Variants in BTBD9 observed in about 807,000 individuals in gnomAD.
The protein encoded by BTBD9 is BTB domain containing 9, also known as BTB/POZ domain-containing protein 9.
BTBD9 carries 49 observed loss-of-function variants against 64.3 expected under a neutral mutation model. That is an observed-to-expected ratio of 0.76 (90% CI 0.61 to 0.97). BTBD9 has a LOEUF of 0.97. Among genes scored for constraint, BTBD9 ranks in the 50% least tolerant of loss-of-function variants. BTBD9 has a pLI of 0.00. For synonymous variants in BTBD9, 260 were observed against 274.7 expected, an observed-to-expected ratio of 0.95 and a Z score of 0.53; for missense variants, 598 against 762.1, an observed-to-expected ratio of 0.78 and a Z score of 2.53.
intron 1 of BTBD9, among the ~76,000 whole-genome samples, chr6:38,602,900 C>T (rs34763047): frequency 1.3e-5 from 2 of 151,970 alleles, no homozygotes; most frequent in South Asian, 2.1e-4. Flanking sequence ...AATCAGATAC[C>T]TGGGTAGCAT....
chr6:38,406,514 T>C (rs77545579), intron 6 of BTBD9, among the ~76,000 whole-genome samples: 1,981 of 152,094 alleles, frequency 0.013, 38 homozygotes, highest in African/African-American at 0.043. Context: ...CAGTAAGGAG[T>C]TGGCATTCCC....
At chr6:38,190,764 G>T (rs1365184791) in intron 10 of BTBD9, among the ~76,000 whole-genome samples, 1 of 152,062 alleles carries the variant, frequency 6.6e-6, no homozygotes, top group African/African-American at 2.4e-5. Context: ...TCTTCATCTA[G>T]AATAGCTTTG....
intron 6 of BTBD9, among the ~76,000 whole-genome samples, chr6:38,446,928 C>T (rs1344521249): frequency 6.6e-6 from 1 of 152,114 alleles, no homozygotes; most frequent in Non-Finnish European, 1.5e-5. Flanking sequence ...TAAACCAGGG[C>T]AGGCAAAATT....
At chr6:38,525,009 C>T (rs572527184) in intron 6 of BTBD9, among the ~76,000 whole-genome samples, 19 of 152,268 alleles carry the variant, frequency 1.2e-4, no homozygotes, top group African/African-American at 4.1e-4. Context: ...TTATTTAAGA[C>T]TGACATAGGC....
chr6:38,575,797 A>G (rs891529355), intron 6 of BTBD9, among the ~76,000 whole-genome samples: 15 of 152,104 alleles, frequency 9.9e-5, no homozygotes, highest in Admixed American at 2.6e-4. Context: ...TTTTTTTTCA[A>G]CCAGAATTGG....
chr6:38,342,871 A>G (rs922844067), intron 7 of BTBD9, among the ~76,000 whole-genome samples: 1 of 152,212 alleles, frequency 6.6e-6, no homozygotes, highest in Non-Finnish European at 1.5e-5. Flanking sequence ...CTGTAAGGTA[A>G]GCAGAGCTGC....
intron 6 of BTBD9, among the ~76,000 whole-genome samples, chr6:38,540,057 T>C (rs747807418): frequency 2.0e-5 from 3 of 152,188 alleles, no homozygotes; most frequent in Non-Finnish European, 2.9e-5. Context: ...GAATGGGACA[T>C]GACAATCATA....
At chr6:38,639,476 G>A (rs940802754) in intron 1 of BTBD9, among the ~76,000 whole-genome samples, 3 of 152,144 alleles carry the variant, frequency 2.0e-5, no homozygotes, top group Non-Finnish European at 2.9e-5. Flanking sequence ...CGTCGTCTCA[G>A]ACAGGATACG....
At chr6:38,391,160 T>C (rs1250395351) in intron 6 of BTBD9, among the ~76,000 whole-genome samples, 1 of 152,198 alleles carries the variant, frequency 6.6e-6, no homozygotes, top group Non-Finnish European at 1.5e-5. Flanking sequence ...GGAACAGAAT[T>C]TGGGTGAGGA....
chr6:38,601,867 T>C lies in BTBD9; in HGVS notation c.-27-3746A>G, dbSNP rs566689257. On this transcript the variant is annotated intron_variant, in intron 1 of 10. Coordinates refer to ENST00000481247, the MANE Select transcript of BTBD9 (RefSeq NM_001099272.2). ...CTAAAGTAACCACATAAAATAATTA[T>C]ATGAAAATATCTAGCATTCTTCCAT... is the stretch of plus-strand genomic sequence containing the variant. 2.4e-4 allele frequency among the ~76,000 whole-genome samples: 36 copies of C among 152,278 alleles called. No homozygotes were observed. The South Asian group carries it at 6.6e-3, about 28-fold the overall frequency.
chr6:38,548,157 T>C (rs1368742680), intron 6 of BTBD9, among the ~76,000 whole-genome samples: 1 of 152,226 alleles, frequency 6.6e-6, no homozygotes, highest in Non-Finnish European at 1.5e-5. Flanking sequence ...AAGTATACTA[T>C]TCTCTAGAAA....
chr6:38,419,253 A>C (rs2127273376), intron 6 of BTBD9, among the ~76,000 whole-genome samples: 1 of 152,340 alleles, frequency 6.6e-6, no homozygotes, highest in East Asian at 1.9e-4. Context: ...ATAATGGCTC[A>C]GAGGACATGG....
intron 7 of BTBD9, among the ~76,000 whole-genome samples, chr6:38,297,444 T>C (rs530107269): frequency 6.6e-6 from 1 of 152,352 alleles, no homozygotes; most frequent in African/African-American, 2.4e-5. Flanking sequence ...TTTTGCTTTA[T>C]GTGTTTTGAG....
At chr6:38,209,864 A>G (rs1454257814) in intron 9 of BTBD9, among the ~76,000 whole-genome samples, 2 of 152,204 alleles carry the variant, frequency 1.3e-5, no homozygotes, top group South Asian at 4.1e-4. Flanking sequence ...TCTGTCTGGT[A>G]AATGCACTTG....
At chr6:38,597,023 C>A (rs559693068) in intron 2 of BTBD9, among the ~76,000 whole-genome samples, 2 of 152,272 alleles carry the variant, frequency 1.3e-5, no homozygotes, top group Admixed American at 6.5e-5. Flanking sequence ...TCTAAGCTCC[C>A]GGTTTCATCT....
At chr6:38,561,504 T>C (rs147425048) in intron 6 of BTBD9, among the ~76,000 whole-genome samples, 8 of 152,316 alleles carry the variant, frequency 5.3e-5, no homozygotes, top group African/African-American at 1.9e-4. Flanking sequence ...CATATGTTCA[T>C]TGCAGCACTA....
chr6:38,559,602 AAG>A (rs1247698917), intron 6 of BTBD9, among the ~76,000 whole-genome samples: 35 of 152,222 alleles, frequency 2.3e-4, no homozygotes, highest in African/African-American at 7.5e-4. Context: ...GGAACCAAAA[AAG>A]AGCCTGAATA....
intron 6 of BTBD9, chr6:38,482,494 A>T (rs1327378152): frequency 1.3e-5 from 2 of 151,138 alleles, no homozygotes; most frequent in Non-Finnish European, 2.9e-5. Context: ...GAGAAATCAT[A>T]TTAATTATTC....
intron 1 of BTBD9, among the ~76,000 whole-genome samples, chr6:38,603,669 G>C (rs116293102): frequency 1.9e-3 from 285 of 152,368 alleles, no homozygotes; most frequent in African/African-American, 6.5e-3. Flanking sequence ...AGTTCCACAA[G>C]GTGGAGACGC....
Sources: allele counts gnomAD v4.1 joint callset (sites outside exome capture counted in the v4.1 genomes callset), GRCh38; gene constraint gnomAD v4.1.1; transcripts MANE v1.5; gene names NCBI Gene and HGNC (gene_info 2026-07-23, HGNC 2026-07-21).